Variants in ARHGEF7 observed in about 807,000 individuals in gnomAD.
The protein encoded by ARHGEF7 is Rho guanine nucleotide exchange factor 7, also known as PAK-interacting exchange factor beta.
In ARHGEF7, 33 loss-of-function variants were observed where a neutral mutation model predicts 109.8. The ratio of observed to expected loss-of-function variants is 0.30; its 90% CI spans 0.23 to 0.40. ARHGEF7 has a LOEUF of 0.40. ARHGEF7 is among the 10% of genes least tolerant of loss of function. The pLI, the probability that ARHGEF7 is intolerant of heterozygous loss-of-function variation, is 1.00. For synonymous variants in ARHGEF7, 458 were observed against 424.6 expected, an observed-to-expected ratio of 1.08 and a Z score of -0.97; for missense variants, 938 against 1,098.5, an observed-to-expected ratio of 0.85 and a Z score of 2.07.
At chr13:111,151,777 T>G (rs1948758272) in intron 1 of ARHGEF7, among the ~76,000 whole-genome samples, 1 of 152,160 alleles carries the variant, frequency 6.6e-6, no homozygotes, top group Non-Finnish European at 1.5e-5. Flanking sequence ...GCACTACGTT[T>G]GGGGGCCATT....
intron 12 of ARHGEF7, among the ~76,000 whole-genome samples, chr13:111,277,160 A>G (rs2092537018): frequency 6.6e-6 from 1 of 152,224 alleles, no homozygotes; most frequent in Non-Finnish European, 1.5e-5. Flanking sequence ...CCCCATTAAA[A>G]TTTATAGGTT....
chr13:111,234,960 A>G (rs886330551), intron 6 of ARHGEF7, among the ~76,000 whole-genome samples: 4 of 152,134 alleles, frequency 2.6e-5, no homozygotes, highest in Non-Finnish European at 2.9e-5. Flanking sequence ...TTAGTGTGTA[A>G]TGTAGCTTAT....
At chr13:111,123,869 C>CA (rs889612985) in intron 1 of ARHGEF7, among the ~76,000 whole-genome samples, 4 of 145,796 alleles carry the variant, frequency 2.7e-5, no homozygotes, top group Admixed American at 2.7e-4. Flanking sequence ...TGCGCCCCCC[C>CA]CCCCCGGCCC....
Position 111,278,831 on chromosome 13 carries a change from A to G in ARHGEF7, c.1506+1158A>G, listed in dbSNP as rs1219616856. On this transcript the variant is annotated intron_variant, in intron 13 of 21. Coordinates refer to ENST00000646102, the MANE Select transcript of ARHGEF7 (RefSeq NM_001354046.2). The stretch of plus-strand genomic sequence containing the variant: ...GGCAGGGGCCTTCTCTAACCTAAGG[A>G]GAGAAGAGGTTGTCACTTGTGGCAG... 2.6e-5 allele frequency among the ~76,000 whole-genome samples: 4 copies of G among 152,170 alleles called. No individual in the cohort carries two copies. The South Asian group carries it at 6.2e-4, about 24-fold the overall frequency.
At chr13:111,212,391 G>A (rs552274938) in intron 4 of ARHGEF7, among the ~76,000 whole-genome samples, 116 of 152,222 alleles carry the variant, frequency 7.6e-4, no homozygotes, top group African/African-American at 2.7e-3. Flanking sequence ...ATTTAGGTAT[G>A]GTTTTTCTCA....
intron 9 of ARHGEF7, among the ~76,000 whole-genome samples, chr13:111,270,258 G>A (rs563012842): frequency 2.1e-4 from 32 of 152,310 alleles, no homozygotes; most frequent in South Asian, 1.5e-3. Flanking sequence ...CTCCATGCTT[G>A]CATGTGTTTT....
intron 5 of ARHGEF7, among the ~76,000 whole-genome samples, chr13:111,229,985 C>T (rs2085814526): frequency 6.6e-6 from 1 of 152,062 alleles, no homozygotes; most frequent in South Asian, 2.1e-4. Context: ...GTTTTATTTG[C>T]TTGGGTTGGA....
chr13:111,256,490 A>G (rs2090437782), intron 8 of ARHGEF7, among the ~76,000 whole-genome samples: 1 of 152,140 alleles, frequency 6.6e-6, no homozygotes, highest in African/African-American at 2.4e-5. Context: ...ACCAGTTGTT[A>G]GCTCCTGCCT....
Position 111,293,231 on chromosome 13 carries a change from G to A in ARHGEF7, c.2311+937G>A, listed in dbSNP as rs140392857. 264 of 985,390 alleles carry A rather than the reference G, an allele frequency of 2.7e-4. 1 individual carries two copies. The highest frequency in any genetic ancestry group is 3.7e-4 in the Admixed American group (6 of 16,274). 61.0% of individuals were successfully genotyped at this position (985,390 alleles called of 1,614,324 possible). A position where few individuals can be genotyped will look rare whatever the true frequency, so the allele number is the denominator to read the frequency against. On this transcript the variant is annotated intron_variant, in intron 19 of 21. Transcript: ENST00000646102. ...TGGAATACTTACAAAGTCAAGTGCT[G>A]TGGCTTCAGTTCCCCCGGCTCCCCA...
In ARHGEF7 at chr13:111,292,311, A is replaced by G. The variant is rs763800742; in HGVS notation, c.2311+17A>G. On this transcript the variant is annotated intron_variant, in intron 19 of 21. Coordinates refer to ENST00000646102, the MANE Select transcript of ARHGEF7 (RefSeq NM_001354046.2). ...CTACATCTCGTAAGAGCTGTTGCTC[A>G]TATATCTCTCACCAGAACTAATGCA... 1.2e-6 allele frequency: 2 copies of G among 1,614,044 alleles called. No homozygotes were observed. Among genetic ancestry groups the G allele is most frequent in the African/African-American group, 2.7e-5 (2 of 74,944 alleles).
rs934334140 is a variant in ARHGEF7 at position 111,255,168 on chromosome 13, G to A, written c.950+10874G>A. Among the ~76,000 whole-genome samples, 2 of 149,142 alleles carry A rather than the reference G, an allele frequency of 1.3e-5. No individual in the cohort carries two copies. Reference sequence around the variant, plus strand: ...GGGCCCAGAAGAGGATTCGGGCTAAGGCGCTGAGTCGCTAACGTGAAGGCC... The same window carrying A: ...GGGCCCAGAAGAGGATTCGGGCTAAAGCGCTGAGTCGCTAACGTGAAGGCC... On this transcript the variant is annotated intron_variant, in intron 8 of 21. Coordinates refer to ENST00000646102, the MANE Select transcript of ARHGEF7 (RefSeq NM_001354046.2). This position sits in a 1 kb window ranked among gnomAD's most constrained non-coding sequence, Gnocchi z 4.1.
At chr13:111,174,908 C>T (rs1393657580) in intron 2 of ARHGEF7, among the ~76,000 whole-genome samples, 1 of 152,202 alleles carries the variant, frequency 6.6e-6, no homozygotes, top group Non-Finnish European at 1.5e-5. Context: ...AGCACATGTG[C>T]TTGTGCGTGT....
intron 2 of ARHGEF7, among the ~76,000 whole-genome samples, chr13:111,182,994 T>C (rs2078911399): frequency 6.6e-6 from 1 of 152,228 alleles, no homozygotes; most frequent in African/African-American, 2.4e-5. Flanking sequence ...TTAAGGTAGC[T>C]AGGCTGAGCT....
At chr13:111,193,010 ATTCCT>A (rs1279273846) in intron 2 of ARHGEF7, among the ~76,000 whole-genome samples, 1 of 152,202 alleles carries the variant, frequency 6.6e-6, no homozygotes, top group Non-Finnish European at 1.5e-5. Flanking sequence ...CCAAGGGATT[ATTCCT>A]TTGGCACACC....
chr13:111,221,531 A>C (rs370749871), intron 5 of ARHGEF7, among the ~76,000 whole-genome samples: 329 of 31,872 alleles, frequency 0.01, 5 homozygotes, highest in East Asian at 0.091. Flanking sequence ...ATCTATATAT[A>C]TCTATATATA....
rs2093607631 is a variant in ARHGEF7 at position 111,303,211 on chromosome 13, T to C, written c.*98T>C. The C allele has an allele frequency of 4.3e-5, 19 of 444,832 alleles. 2 individuals carry two copies. The highest frequency in any genetic ancestry group is 7.9e-5 in the Non-Finnish European group (19 of 241,700). The allele number at this position is 444,832 out of a possible 1,614,324, so 27.6% of individuals were successfully genotyped here. A position where few individuals can be genotyped will look rare whatever the true frequency, so the allele number is the denominator to read the frequency against. On this transcript the variant is annotated 3_prime_UTR_variant, in exon 22 of 22. Coordinates refer to ENST00000646102, the MANE Select transcript of ARHGEF7 (RefSeq NM_001354046.2). ...TGCACTCAGGACCACAGGGCAGGGC[T>C]GGGTGGGGCGCCACCTTGCTCTCTG...
Position 111,273,517 on chromosome 13 carries a change from G to A in ARHGEF7, c.1074-297G>A, listed in dbSNP as rs954427277. Among the ~76,000 whole-genome samples, 4 of 152,310 alleles carry A rather than the reference G, an allele frequency of 2.6e-5. No individual in the cohort carries two copies. Among genetic ancestry groups the A allele is most frequent in the Admixed American group, 2.0e-4 (3 of 15,306 alleles). On this transcript the variant is annotated intron_variant, in intron 9 of 21. Coordinates refer to ENST00000646102, the MANE Select transcript of ARHGEF7 (RefSeq NM_001354046.2). This position sits in a 1 kb window ranked among gnomAD's most constrained non-coding sequence, Gnocchi z 4.5. ...TGTTTCCATTGGATATGTCTGCATG[G>A]CACTGATGTGCTGGAGGACCTCGCC...
chr13:111,118,090 T>C, intron 1 of ARHGEF7, among the ~76,000 whole-genome samples: 1 of 152,276 alleles, frequency 6.6e-6, no homozygotes, highest in East Asian at 1.9e-4. Flanking sequence ...GCAAGTGGCC[T>C]GCAGCCTTCG....
chr13:111,194,222 T>C (rs1230027956), intron 2 of ARHGEF7, among the ~76,000 whole-genome samples: 1 of 152,210 alleles, frequency 6.6e-6, no homozygotes, highest in Non-Finnish European at 1.5e-5. Flanking sequence ...GCTCTCTCTC[T>C]GATATATAAA....
Sources: allele counts gnomAD v4.1 joint callset (sites outside exome capture counted in the v4.1 genomes callset), GRCh38; gene constraint gnomAD v4.1.1; non-coding constraint Gnocchi (gnomAD v3.1); transcripts MANE v1.5; gene names NCBI Gene and HGNC (gene_info 2026-07-23, HGNC 2026-07-21).